The following RNF220 variants were observed in gnomAD, a reference collection of about 807,000 sequenced individuals.
RNF220 encodes ring finger protein 220.
A neutral mutation model predicts 67.1 loss-of-function variants in RNF220; 7 were observed. That is an observed-to-expected ratio of 0.10 (90% confidence interval 0.06 to 0.20). The LOEUF (loss-of-function observed/expected upper bound fraction) is 0.20, where lower values mean the gene tolerates loss of function less well. RNF220 is among the 10% of genes least tolerant of loss of function. The pLI, the probability that RNF220 is intolerant of heterozygous loss-of-function variation, is 1.00. For synonymous variants in RNF220, 270 were observed against 283.2 expected (o/e 0.95, Z 0.47); for missense variants, 565 against 740.3 (o/e 0.76, Z 2.75).
At chr1:44,579,300 A>G (rs1665065014) in intron 2 of RNF220, among the ~76,000 whole-genome samples, 1 of 152,248 alleles carries the variant, frequency 6.6e-6, no homozygotes. Context: ...GTCACTGAGC[A>G]GTAGGACCAA....
intron 2 of RNF220, among the ~76,000 whole-genome samples, chr1:44,523,984 G>C (rs12122791): frequency 0.15 from 23,092 of 152,146 alleles, 2,190 homozygotes; most frequent in Admixed American, 0.22. Flanking sequence ...ATTGTGAGTC[G>C]AGATACCTGC....
chr1:44,437,480 C>T (rs1192389348), intron 2 of RNF220, among the ~76,000 whole-genome samples: 3 of 152,154 alleles, frequency 2.0e-5, no homozygotes, highest in African/African-American at 2.4e-5. Context: ...CACCCCACCC[C>T]GCATAACTTA....
At chr1:44,566,897 C>G (rs1048313142) in intron 2 of RNF220, among the ~76,000 whole-genome samples, 1 of 152,202 alleles carries the variant, frequency 6.6e-6, no homozygotes, top group Non-Finnish European at 1.5e-5. Flanking sequence ...TATCCCATCC[C>G]CCTGTGGTTT....
At chr1:44,642,584 C>T (rs1573176616) in intron 8 of RNF220, among the ~76,000 whole-genome samples, 1 of 152,184 alleles carries the variant, frequency 6.6e-6, no homozygotes, top group East Asian at 1.9e-4. Context: ...CACAGTAGCT[C>T]TGTTTAATGG....
chr1:44,544,082 C>A (rs920490138), intron 2 of RNF220, among the ~76,000 whole-genome samples: 1 of 152,248 alleles, frequency 6.6e-6, no homozygotes. Context: ...CATCTTCCTC[C>A]TCATCCCCAG....
At chr1:44,492,268 A>C (rs1235739728) in intron 2 of RNF220, among the ~76,000 whole-genome samples, 1 of 152,230 alleles carries the variant, frequency 6.6e-6, no homozygotes, top group African/African-American at 2.4e-5. Context: ...GATAATAGCA[A>C]GTGCTGGTAA....
intron 2 of RNF220, among the ~76,000 whole-genome samples, chr1:44,511,916 C>CGTGCGTGT (rs1553234667): frequency 1.4e-5 from 2 of 147,800 alleles, no homozygotes. Flanking sequence ...CGTGTGTGTG[C>CGTGCGTGT]GTGTGTGTGT....
In RNF220 at chr1:44,650,121, C is replaced by A; in HGVS notation, c.1629+164C>A. On this transcript the variant is annotated intron_variant, in intron 14 of 14. Coordinates refer to ENST00000361799, the MANE Select transcript of RNF220 (RefSeq NM_018150.4). This position sits in a 1 kb window ranked among gnomAD's most constrained non-coding sequence, Gnocchi z 4.3. Reference sequence around the variant, plus strand: ...CGCAGGATATTTACCCCCAGGCTCGCTGCCTCTCCTCCCCAACTGCAGGTT... The same window carrying A: ...CGCAGGATATTTACCCCCAGGCTCGATGCCTCTCCTCCCCAACTGCAGGTT... The A allele has an allele frequency of 1.4e-6, 1 of 699,124 alleles. No homozygotes were observed. The highest frequency in any genetic ancestry group is 2.4e-6 in the Non-Finnish European group (1 of 425,016). The allele number at this position is 699,124 out of a possible 1,614,324, so 43.3% of individuals were successfully genotyped here.
chr1:44,414,987 C>T (rs190922555), intron 2 of RNF220, among the ~76,000 whole-genome samples: 203 of 149,948 alleles, frequency 1.4e-3, no homozygotes, highest in Middle Eastern at 6.8e-3. Flanking sequence ...CTGTGCTACC[C>T]TGTGGTCACC....
chr1:44,453,189 G>A (rs1426359545), intron 2 of RNF220, among the ~76,000 whole-genome samples: 1 of 152,088 alleles, frequency 6.6e-6, no homozygotes, highest in African/African-American at 2.4e-5. Flanking sequence ...CTAAAATATA[G>A]TATTAGTTTT....
At chr1:44,501,534 C>A (rs1319916426) in intron 2 of RNF220, among the ~76,000 whole-genome samples, 3,831 of 152,092 alleles carry the variant, frequency 0.025, 143 homozygotes, top group African/African-American at 0.088. Flanking sequence ...GGCAGAGAAG[C>A]ATGGGGTTAT....
chr1:44,431,211 G>A (rs919836173), intron 2 of RNF220, among the ~76,000 whole-genome samples: 2 of 152,108 alleles, frequency 1.3e-5, no homozygotes, highest in Non-Finnish European at 1.5e-5. Flanking sequence ...AATGAAATAA[G>A]ACGGCCGGGC....
At chr1:44,498,797 G>A (rs542808381) in intron 2 of RNF220, among the ~76,000 whole-genome samples, 10 of 152,242 alleles carry the variant, frequency 6.6e-5, no homozygotes, top group Non-Finnish European at 1.3e-4. Flanking sequence ...CCAAGGATGC[G>A]CATTTCTGAG....
chr1:44,491,952 CTG>C (rs2148054875), intron 2 of RNF220, among the ~76,000 whole-genome samples: 1 of 152,288 alleles, frequency 6.6e-6, no homozygotes, highest in East Asian at 1.9e-4. Flanking sequence ...GTGTGAGCCA[CTG>C]TGCCTGGCTG....
At chr1:44,440,743 A>T (rs1327397367) in intron 2 of RNF220, among the ~76,000 whole-genome samples, 1 of 152,210 alleles carries the variant, frequency 6.6e-6, no homozygotes, top group Non-Finnish European at 1.5e-5. Context: ...CTGACTAAGA[A>T]CAGACACCTT....
intron 2 of RNF220, among the ~76,000 whole-genome samples, chr1:44,591,142 A>G (rs1051211623): frequency 2.0e-5 from 3 of 152,106 alleles, no homozygotes; most frequent in Non-Finnish European, 4.4e-5. Flanking sequence ...TGGTAGAGAC[A>G]AGGTTTCACC....
chr1:44,511,517 A>C (rs1375751019), intron 2 of RNF220, among the ~76,000 whole-genome samples: 1 of 152,208 alleles, frequency 6.6e-6, no homozygotes, highest in Non-Finnish European at 1.5e-5. Context: ...CTTTAAGAAG[A>C]AAAATGACAA....
intron 2 of RNF220, among the ~76,000 whole-genome samples, chr1:44,589,202 A>T (rs1289877049): frequency 6.6e-6 from 1 of 152,256 alleles, no homozygotes; most frequent in Non-Finnish European, 1.5e-5. Flanking sequence ...ACAGTGAGAC[A>T]GTGCCAGAAG....
chr1:44,567,389 C>T lies in RNF220; in HGVS notation c.626-46776C>T, dbSNP rs550814947. ...TCCTGGGACAGGGACAAGAGTTGGC[C>T]ACATAGCCCCCGCCAGAGTCTCAGA... On this transcript the variant is annotated intron_variant, in intron 2 of 14. Transcript: ENST00000361799. Among the ~76,000 whole-genome samples the T allele has an allele frequency of 6.0e-4, 91 of 152,186 alleles. 1 individual carries two copies. Among genetic ancestry groups the T allele is most frequent in the Admixed American group, 2.4e-3 (36 of 15,300 alleles).
Sources: allele counts gnomAD v4.1 joint callset (sites outside exome capture counted in the v4.1 genomes callset), GRCh38; gene constraint gnomAD v4.1.1; non-coding constraint Gnocchi (gnomAD v3.1); transcripts MANE v1.5; gene names NCBI Gene and HGNC (gene_info 2026-07-23, HGNC 2026-07-21).